ROBO1: variants seen among roughly 807,000 people sequenced by gnomAD.
The protein encoded by ROBO1 is roundabout homolog 1.
A neutral mutation model predicts 195.9 loss-of-function variants in ROBO1; 149 were observed. The observed-to-expected ratio is 0.76, with a 90% CI of 0.67 to 0.87. ROBO1 has a LOEUF of 0.87. ROBO1 is among the 40% of genes least tolerant of loss of function. ROBO1 has a pLI of 0.00. For synonymous variants in ROBO1, 816 were observed against 733.2 expected (o/e 1.11, Z -1.82); for missense variants, 1,933 against 2,068.3 (o/e 0.93, Z 1.27).
chr3:79,610,384 C>A (rs1944621040), intron 1 of ROBO1, among the ~76,000 whole-genome samples: 1 of 151,658 alleles, frequency 6.6e-6, no homozygotes, highest in Non-Finnish European at 1.5e-5. Context: ...TTCTCTCTCC[C>A]TCTCTCTCTC....
intron 4 of ROBO1, among the ~76,000 whole-genome samples, chr3:78,924,027 G>GA (rs139030753): frequency 1.2e-4 from 17 of 142,462 alleles, no homozygotes; most frequent in Non-Finnish European, 1.5e-4. Context: ...TCCAACAAAA[G>GA]AAAAAAAAAA....
At chr3:78,975,057 T>C (rs1169334833) in intron 3 of ROBO1, among the ~76,000 whole-genome samples, 1 of 152,096 alleles carries the variant, frequency 6.6e-6, no homozygotes, top group African/African-American at 2.4e-5. Flanking sequence ...CTGGTGAGTT[T>C]GGGGCCCTTC....
At chr3:79,199,037 T>C (rs2081705499) in intron 2 of ROBO1, among the ~76,000 whole-genome samples, 1 of 152,022 alleles carries the variant, frequency 6.6e-6, no homozygotes, top group South Asian at 2.1e-4. Context: ...TCTTGCCTGA[T>C]TGCCCTGGCC....
At chr3:79,569,672 TG>T in intron 2 of ROBO1, among the ~76,000 whole-genome samples, 1 of 108,768 alleles carries the variant, frequency 9.2e-6, no homozygotes, top group Non-Finnish European at 1.9e-5. Context: ...TGTGTGTGTG[TG>T]TATATATGTG....
chr3:78,688,828 T>C (rs1438965006), intron 8 of ROBO1, 56 bp from the exon 9 acceptor site: 13 of 1,537,668 alleles, frequency 8.5e-6, no homozygotes, highest in East Asian at 4.7e-5. Flanking sequence ...ATTGTCCTAA[T>C]TGAGACAATC....
At chr3:79,245,638 C>T (rs2108893350) in intron 2 of ROBO1, among the ~76,000 whole-genome samples, 1 of 151,564 alleles carries the variant, frequency 6.6e-6, no homozygotes, top group South Asian at 2.1e-4. Flanking sequence ...CCCCACCCCT[C>T]AAAAAAATGC....
In ROBO1 at chr3:78,597,558, C is replaced by A. The variant is rs1702897938; in HGVS notation, c.*1355G>T. ...AATGTACATTTTTTTCTTCAAATAG[C>A]ACCAATTATAAAATCAATGATATTC... On this transcript the variant is annotated 3_prime_UTR_variant, in exon 31 of 31. Transcript: ENST00000464233. 6.6e-6 allele frequency: 1 copy of A among 151,796 alleles called. No individual in the cohort carries two copies. Among genetic ancestry groups the A allele is most frequent in the Non-Finnish European group, 1.5e-5 (1 of 67,960 alleles). The allele number at this position is 151,796 out of a possible 1,614,324, so 9.4% of individuals were successfully genotyped here. A position where few individuals can be genotyped will look rare whatever the true frequency, so the allele number is the denominator to read the frequency against.
At chr3:79,399,848 A>T (rs2106774657) in intron 2 of ROBO1, among the ~76,000 whole-genome samples, 1 of 152,248 alleles carries the variant, frequency 6.6e-6, no homozygotes, top group Non-Finnish European at 1.5e-5. Flanking sequence ...AAATACACTG[A>T]GATTGTTCTT....
intron 2 of ROBO1, among the ~76,000 whole-genome samples, chr3:79,294,356 C>A (rs1460870569): frequency 2.0e-5 from 3 of 152,098 alleles, no homozygotes. Context: ...GGAAAAGATT[C>A]CCTGTTTAAT....
intron 4 of ROBO1, among the ~76,000 whole-genome samples, chr3:78,750,649 C>T (rs1011749736): frequency 6.6e-6 from 1 of 151,992 alleles, no homozygotes; most frequent in Non-Finnish European, 1.5e-5. Flanking sequence ...GGTGTCTTTG[C>T]AACTTATCTG....
intron 10 of ROBO1, among the ~76,000 whole-genome samples, chr3:78,684,187 T>C (rs2080998324): frequency 6.6e-6 from 1 of 152,018 alleles, no homozygotes; most frequent in African/African-American, 2.4e-5. Flanking sequence ...CATAAATAAA[T>C]TGTGGTCTAT....
chr3:79,476,767 G>A (rs533877780), intron 2 of ROBO1, among the ~76,000 whole-genome samples: 2 of 151,984 alleles, frequency 1.3e-5, no homozygotes, highest in Non-Finnish European at 2.9e-5. Flanking sequence ...CAGGGGAAAG[G>A]GTGGGAGGGG....
chr3:79,060,476 G>A (rs968653789), intron 3 of ROBO1, among the ~76,000 whole-genome samples: 15 of 151,784 alleles, frequency 9.9e-5, no homozygotes, highest in Admixed American at 1.3e-4. Context: ...TGTCATCCCC[G>A]GAGACCAAGC....
chr3:79,674,784 T>C (rs190790226), intron 1 of ROBO1, among the ~76,000 whole-genome samples: 71 of 151,850 alleles, frequency 4.7e-4, no homozygotes, highest in African/African-American at 1.7e-3. Flanking sequence ...AAATACACTT[T>C]TACCTAACTT....
At chr3:79,699,498 C>T (rs1025971732) in intron 1 of ROBO1, among the ~76,000 whole-genome samples, 1 of 151,530 alleles carries the variant, frequency 6.6e-6, no homozygotes, top group African/African-American at 2.4e-5. Flanking sequence ...ATAGATAAAG[C>T]AACATATTAA....
At chr3:78,987,157 A>G (rs1305808320) in intron 3 of ROBO1, among the ~76,000 whole-genome samples, 1 of 149,384 alleles carries the variant, frequency 6.7e-6, no homozygotes, top group Non-Finnish European at 1.5e-5. Context: ...CCATAAACAC[A>G]GGGTGAGGTG....
chr3:78,853,948 T>C (rs1471435865), intron 4 of ROBO1, among the ~76,000 whole-genome samples: 7 of 152,100 alleles, frequency 4.6e-5, no homozygotes, highest in East Asian at 1.9e-4. Flanking sequence ...ACTCCCATGA[T>C]TGAATTATCT....
chr3:78,833,452 A>G (rs986140260), intron 4 of ROBO1, among the ~76,000 whole-genome samples: 1 of 152,218 alleles, frequency 6.6e-6, no homozygotes. Flanking sequence ...TCTTAATTGT[A>G]TAAAACAAAT....
In ROBO1 at chr3:79,181,535, G is replaced by A. The variant is rs549141393; in HGVS notation, c.89-55996C>T. ...GATTTCTCTGGTGTGTAGTGTTGACGTTCATTTTAAACTCTTACACTAACT... is the reference window on the plus strand; with the variant it reads ...GATTTCTCTGGTGTGTAGTGTTGACATTCATTTTAAACTCTTACACTAACT... On this transcript the variant is annotated intron_variant, in intron 2 of 30. Transcript: ENST00000464233. Among the ~76,000 whole-genome samples, 9 of 152,188 alleles carry A rather than the reference G, an allele frequency of 5.9e-5. No individual in the cohort carries two copies. In the South Asian group the frequency reaches 8.3e-4, roughly 14 times the overall value.
Sources: allele counts gnomAD v4.1 joint callset (sites outside exome capture counted in the v4.1 genomes callset), GRCh38; gene constraint gnomAD v4.1.1; transcripts MANE v1.5; gene names NCBI Gene and HGNC (gene_info 2026-07-23, HGNC 2026-07-21).